Variants in OXR1 observed in about 807,000 individuals in gnomAD.
The protein encoded by OXR1 is oxidation resistance 1.
In OXR1, 41 loss-of-function variants were observed where a neutral mutation model predicts 104.6. The observed-to-expected ratio is 0.39, with a 90% CI of 0.31 to 0.51. The LOEUF (loss-of-function observed/expected upper bound fraction) is 0.51, where lower values mean the gene tolerates loss of function less well. OXR1 is among the 20% of genes least tolerant of loss of function. The probability of loss-of-function intolerance (pLI) is 0.77; values close to 1 mark genes in which losing one functional copy is unlikely to be tolerated. For synonymous variants in OXR1, 348 were observed against 348.4 expected, an observed-to-expected ratio of 1.00 and a Z score of 0.01; for missense variants, 955 against 1,031.9, an observed-to-expected ratio of 0.93 and a Z score of 1.02.
chr8:106,393,179 G>A (rs886158078), intron 2 of OXR1, among the ~76,000 whole-genome samples: 1 of 152,070 alleles, frequency 6.6e-6, no homozygotes, highest in Non-Finnish European at 1.5e-5. Context: ...TCTCACAAAT[G>A]TATGACAAAG....
At chr8:106,527,974 G>C (rs1813815247) in intron 3 of OXR1, among the ~76,000 whole-genome samples, 1 of 152,182 alleles carries the variant, frequency 6.6e-6, no homozygotes, top group Admixed American at 6.5e-5. Context: ...GGTTCCCCAA[G>C]TGCTAGTCTA....
intron 1 of OXR1, among the ~76,000 whole-genome samples, chr8:106,324,996 G>A (rs1010539408): frequency 4.6e-5 from 7 of 152,084 alleles, no homozygotes; most frequent in Admixed American, 6.5e-5. Context: ...CATAATTCCT[G>A]CTAATAGTGT....
rs553618048 is a variant in OXR1, at chr8:106,606,876, G to A, written c.221-72334G>A. Among the ~76,000 whole-genome samples, 6 of 152,210 alleles carry A rather than the reference G, an allele frequency of 3.9e-5. No individual in the cohort carries two copies. The East Asian group carries it at 1.2e-3, about 29-fold the overall frequency. On this transcript the variant is annotated intron_variant, in intron 3 of 16. Coordinates refer to ENST00000517566, the MANE Select transcript of OXR1 (RefSeq NM_001198533.2). ...TACCTGCTACTAAATAAAAACACCA[G>A]GAATGGTAGTTTTTGCTGTTCTTAA...
chr8:106,370,309 A>G (rs929833315), intron 2 of OXR1, among the ~76,000 whole-genome samples: 3 of 152,138 alleles, frequency 2.0e-5, no homozygotes, highest in African/African-American at 7.2e-5. Context: ...CTGACACGAT[A>G]GGGTTTTCTA....
chr8:106,729,287 C>T (rs1035235750), intron 11 of OXR1, among the ~76,000 whole-genome samples: 21 of 152,100 alleles, frequency 1.4e-4, no homozygotes, highest in African/African-American at 3.6e-4. Context: ...CTGGCTCTAG[C>T]TGATGCCCTT....
intron 2 of OXR1, among the ~76,000 whole-genome samples, chr8:106,379,006 A>G (rs1817021171): frequency 6.6e-6 from 1 of 152,210 alleles, no homozygotes. Flanking sequence ...TTTTGAGTAT[A>G]ACTGTATTTG....
intron 2 of OXR1, among the ~76,000 whole-genome samples, chr8:106,471,371 T>C (rs894198901): frequency 6.6e-6 from 1 of 151,818 alleles, no homozygotes; most frequent in Non-Finnish European, 1.5e-5. Context: ...AAAAACCTTT[T>C]GTAGCAGCCC....
chr8:106,626,282 G>A (rs3110422), intron 3 of OXR1, among the ~76,000 whole-genome samples: 1 of 151,132 alleles, frequency 6.6e-6, no homozygotes, highest in South Asian at 2.1e-4. Flanking sequence ...CTAAAAAGCC[G>A]TTTCACCCTA....
chr8:106,486,622 T>C (rs938769161), intron 2 of OXR1, among the ~76,000 whole-genome samples: 4 of 152,162 alleles, frequency 2.6e-5, no homozygotes, highest in Non-Finnish European at 5.9e-5. Context: ...TTTGTGTTTA[T>C]ATGTTAAGTT....
chr8:106,708,311 A>G (rs138290242), intron 9 of OXR1, among the ~76,000 whole-genome samples: 3 of 152,248 alleles, frequency 2.0e-5, no homozygotes, highest in African/African-American at 7.2e-5. Flanking sequence ...AGATGGGAGA[A>G]TTGATTGAAC....
intron 11 of OXR1, among the ~76,000 whole-genome samples, chr8:106,718,349 C>T (rs921097303): frequency 8.5e-5 from 13 of 152,066 alleles, no homozygotes; most frequent in African/African-American, 2.9e-4. Flanking sequence ...TGAAGACAGA[C>T]AGAAACATAT....
intron 3 of OXR1, among the ~76,000 whole-genome samples, chr8:106,561,592 C>G (rs950852540): frequency 1.3e-5 from 2 of 152,182 alleles, no homozygotes; most frequent in African/African-American, 4.8e-5. Flanking sequence ...CTGAAGAGAA[C>G]AGCAGATCCC....
intron 2 of OXR1, among the ~76,000 whole-genome samples, chr8:106,498,796 T>C (rs1811581791): frequency 6.6e-6 from 1 of 152,224 alleles, no homozygotes; most frequent in South Asian, 2.1e-4. Flanking sequence ...GATAATTTTA[T>C]GTGCCATTAG....
chr8:106,647,454 A>C (rs566363746), intron 3 of OXR1, among the ~76,000 whole-genome samples: 35 of 152,324 alleles, frequency 2.3e-4, no homozygotes, highest in African/African-American at 7.9e-4. Flanking sequence ...AAGGAATTTG[A>C]ATGTTAGCAT....
intron 3 of OXR1, among the ~76,000 whole-genome samples, chr8:106,678,891 G>T (rs912925926): frequency 1.3e-5 from 2 of 151,990 alleles, no homozygotes; most frequent in Non-Finnish European, 2.9e-5. Context: ...CTTAAAATGT[G>T]TTGGTATTAT....
At chr8:106,473,750 T>C (rs1420146664) in intron 2 of OXR1, among the ~76,000 whole-genome samples, 1 of 151,366 alleles carries the variant, frequency 6.6e-6, no homozygotes, top group African/African-American at 2.4e-5. Flanking sequence ...ACTTGAGCAT[T>C]TGCGGTCTTG....
chr8:106,645,733 G>T lies in OXR1; in HGVS notation c.221-33477G>T, dbSNP rs922295722. Among the ~76,000 whole-genome samples, 26 of 152,160 alleles carry T rather than the reference G, an allele frequency of 1.7e-4. 1 individual carries two copies. The highest frequency in any genetic ancestry group is 1.2e-3 in the Admixed American group (19 of 15,284). On this transcript the variant is annotated intron_variant, in intron 3 of 16. Transcript: ENST00000517566. ...ATTGTGTTTGGTATGGGGAGGTGGG[G>T]AGTTAGGGAACTCCCATCTACTTTG...
intron 3 of OXR1, among the ~76,000 whole-genome samples, chr8:106,561,595 C>A (rs529407893): frequency 3.0e-4 from 46 of 152,292 alleles, no homozygotes; most frequent in African/African-American, 1.1e-3. Context: ...AAGAGAACAG[C>A]AGATCCCCCA....
intron 2 of OXR1, among the ~76,000 whole-genome samples, chr8:106,446,128 C>G (rs932636540): frequency 2.0e-5 from 3 of 152,144 alleles, no homozygotes; most frequent in African/African-American, 4.8e-5. Context: ...GTTTGTCTCC[C>G]CAACCCTGAT....
Sources: allele counts gnomAD v4.1 joint callset (sites outside exome capture counted in the v4.1 genomes callset), GRCh38; gene constraint gnomAD v4.1.1; transcripts MANE v1.5; gene names NCBI Gene and HGNC (gene_info 2026-07-23, HGNC 2026-07-21).